The following MEF2A variants were observed in gnomAD, a reference collection of about 807,000 sequenced individuals.
MEF2A encodes myocyte-specific enhancer factor 2A.
Under a neutral mutation model 55.8 loss-of-function variants are expected in MEF2A, and 28 were observed. The observed-to-expected ratio is 0.50, with a 90% CI of 0.37 to 0.69. MEF2A has a LOEUF of 0.69. Among genes scored for constraint, MEF2A ranks in the 30% least tolerant of loss-of-function variants. The pLI is 0.00. For synonymous variants in MEF2A, 239 were observed against 227.1 expected, an observed-to-expected ratio of 1.05 and a Z score of -0.47; for missense variants, 528 against 626.2, an observed-to-expected ratio of 0.84 and a Z score of 1.67.
rs1555454713 is a variant in MEF2A, at chr15:99,602,653, G to GGGGTGTGTGT, written c.-143+4143_-143+4144insGGTGTGTGTG. 1.4e-3 allele frequency among the ~76,000 whole-genome samples: 61 copies of GGGGTGTGTGT among 44,862 alleles called. 1 individual carries two copies. The highest frequency in any genetic ancestry group is 2.6e-3 in the East Asian group (3 of 1,146). The allele number at this position is 44,862 out of a possible 152,430, so 29.4% of individuals were successfully genotyped here. On this transcript the variant is annotated intron_variant, in intron 2 of 11. Coordinates refer to ENST00000557942, the MANE Select transcript of MEF2A (RefSeq NM_001319206.4). ...CCTGGTGGTTGCCTGACATTCCTGGGGTGTGTGTGTGTGTGTGTGTGTGTG... is the reference window on the plus strand; with the variant it reads ...CCTGGTGGTTGCCTGACATTCCTGGGGGGTGTGTGTGTGTGTGTGTGTGTGTGTGTGTGTG...
intron 1 of MEF2A, among the ~76,000 whole-genome samples, chr15:99,590,611 G>A (rs193258756): frequency 8.6e-5 from 13 of 150,878 alleles, no homozygotes; most frequent in Non-Finnish European, 1.6e-4. Flanking sequence ...TTAAAAATAT[G>A]CATTCCATTT....
At chr15:99,709,617 A>C (rs1206615661) in intron 10 of MEF2A, among the ~76,000 whole-genome samples, 2 of 152,194 alleles carry the variant, frequency 1.3e-5, no homozygotes, top group Non-Finnish European at 2.9e-5. Flanking sequence ...AATTTCTTTA[A>C]ACACCTCTCT....
chr15:99,597,162 CG>C (rs1179868729), intron 1 of MEF2A, among the ~76,000 whole-genome samples: 1 of 152,100 alleles, frequency 6.6e-6, no homozygotes, highest in Non-Finnish European at 1.5e-5. Flanking sequence ...GCCGGTGAGC[CG>C]GGTGGAACAG....
chr15:99,630,037 C>G (rs939106162), intron 2 of MEF2A, among the ~76,000 whole-genome samples: 1 of 134,536 alleles, frequency 7.4e-6, no homozygotes, highest in Non-Finnish European at 1.6e-5. Flanking sequence ...TTCTTTCCTT[C>G]TCCCCCTCTC....
Position 99,712,540 on chromosome 15 carries a change from GCCGCCA to G in MEF2A, c.1290_1295del (p.Pro432_Pro433del). On this transcript the variant is annotated inframe_deletion, in exon 12 of 12. Coordinates refer to ENST00000557942, the MANE Select transcript of MEF2A (RefSeq NM_001319206.4). This position sits in a 1 kb window ranked among gnomAD's most constrained non-coding sequence, Gnocchi z 4.1. ...AGCAGCAGCAGCAGCAGCAGCAGCCGCCGCCACCACCGCAGCCCCAGCCACAACCCC... is the reference window on the plus strand; with the variant it reads ...AGCAGCAGCAGCAGCAGCAGCAGCCGCCACCGCAGCCCCAGCCACAACCCC... The G allele has an allele frequency of 6.5e-7, 1 of 1,547,440 alleles. No homozygotes were observed. Among genetic ancestry groups the G allele is most frequent in the Non-Finnish European group, 8.7e-7 (1 of 1,145,874 alleles).
chr15:99,660,749 A>G (rs1164475873), intron 4 of MEF2A, among the ~76,000 whole-genome samples: 1 of 152,250 alleles, frequency 6.6e-6, no homozygotes, highest in Non-Finnish European at 1.5e-5. Flanking sequence ...GAGATAATAT[A>G]TTATGACTAA....
chr15:99,579,133 AT>A (rs1182063152), intron 1 of MEF2A, among the ~76,000 whole-genome samples: 1 of 151,750 alleles, frequency 6.6e-6, no homozygotes, highest in Non-Finnish European at 1.5e-5. Flanking sequence ...CTAATGTTGT[AT>A]TTTTTCCCAT....
At chr15:99,697,793 T>TA (rs1555498917) in intron 8 of MEF2A, among the ~76,000 whole-genome samples, 1 of 152,058 alleles carries the variant, frequency 6.6e-6, no homozygotes, top group Non-Finnish European at 1.5e-5. Flanking sequence ...AACAAAATTT[T>TA]AAAAAAATAC....
In MEF2A at chr15:99,591,579, C is replaced by A. The variant is rs747260252; in HGVS notation, c.-224-6851C>A. ...GTGTTCAGTTTTCCTCAAATTTGGACCTTTTTCTGGCCCTATTTCGTCATG... is the reference window on the plus strand; with the variant it reads ...GTGTTCAGTTTTCCTCAAATTTGGAACTTTTTCTGGCCCTATTTCGTCATG... On this transcript the variant is annotated intron_variant, in intron 1 of 11. Coordinates refer to ENST00000557942, the MANE Select transcript of MEF2A (RefSeq NM_001319206.4). Among the ~76,000 whole-genome samples the A allele has an allele frequency of 3.3e-4, 50 of 152,222 alleles. 1 individual carries two copies. The South Asian group carries it at 5.8e-3, about 18-fold the overall frequency.
intron 4 of MEF2A, among the ~76,000 whole-genome samples, chr15:99,664,713 C>G (rs2033546): frequency 1.3e-5 from 2 of 151,938 alleles, no homozygotes; most frequent in South Asian, 2.1e-4. Flanking sequence ...TGGTAAGTCC[C>G]AAGGAGAGAC....
At chr15:99,658,566 G>C (rs138659426) in intron 4 of MEF2A, among the ~76,000 whole-genome samples, 1 of 150,954 alleles carries the variant, frequency 6.6e-6, no homozygotes, top group African/African-American at 2.4e-5. Flanking sequence ...ACCATCCTTA[G>C]ATTTAAGAAA....
chr15:99,604,828 C>T (rs906029039), intron 2 of MEF2A, among the ~76,000 whole-genome samples: 5 of 151,930 alleles, frequency 3.3e-5, no homozygotes, highest in African/African-American at 9.7e-5. Flanking sequence ...AAGCCTTTTC[C>T]GTGGGGTTAA....
intron 2 of MEF2A, among the ~76,000 whole-genome samples, chr15:99,618,620 T>TA (rs2040607256): frequency 6.6e-6 from 1 of 152,180 alleles, no homozygotes; most frequent in Non-Finnish European, 1.5e-5. Flanking sequence ...ATATGCAACT[T>TA]ACCCACAAGC....
intron 1 of MEF2A, among the ~76,000 whole-genome samples, chr15:99,567,225 G>A (rs1010426517): frequency 6.6e-6 from 1 of 152,180 alleles, no homozygotes. Context: ...TCCAATAAAT[G>A]CCCTATTAGA....
At position 99,674,435 on chromosome 15, in the gene MEF2A, C is replaced by A. The variant is rs748024361; in HGVS notation, c.433C>A (p.Pro145Thr). ...PQNFSMSVTVPVTSPNALSYT... is the reference protein window; with the variant it reads ...PQNFSMSVTVTVTSPNALSYT... ...GAACTTTTCAATGTCTGTCACAGTT[C>A]CAGTGACCAGCCCCAATGCTTTGTC... Residue 145 changes from proline (P) to threonine (T), a missense_variant, in exon 6 of 12, where the codon CCA becomes ACA. By Grantham distance (38) the Pro-to-Thr change is conservative. This residue lies in a region of MEF2A where 450 missense variants were observed against 475.3 expected (regional missense o/e 0.95). Transcript: ENST00000557942. 1 of 1,613,402 alleles carries A rather than the reference C, an allele frequency of 6.2e-7. No individual in the cohort carries two copies. The highest frequency in any genetic ancestry group is 2.2e-5 in the East Asian group (1 of 44,874).
rs987185408 is a variant in MEF2A, at chr15:99,620,106, T to C, written c.-142-12872T>C. On this transcript the variant is annotated intron_variant, in intron 2 of 11. Coordinates refer to ENST00000557942, the MANE Select transcript of MEF2A (RefSeq NM_001319206.4). ...TTTAGAAAAAAGGAAAATAATTTTTTAAATTGCCTTTAAGTTATTATTTTA... is the reference window on the plus strand; with the variant it reads ...TTTAGAAAAAAGGAAAATAATTTTTCAAATTGCCTTTAAGTTATTATTTTA... 1.3e-4 allele frequency among the ~76,000 whole-genome samples: 20 copies of C among 152,398 alleles called. 1 individual carries two copies. In the East Asian group the frequency reaches 3.9e-3, roughly 29 times the overall value.
intron 3 of MEF2A, among the ~76,000 whole-genome samples, chr15:99,640,559 CTT>C (rs561916381): frequency 1.7e-4 from 23 of 133,838 alleles, no homozygotes; most frequent in Non-Finnish European, 2.4e-4. Context: ...TCTTTCTTTT[CTT>C]TTTTTTTTTT....
chr15:99,566,782 G>T (rs978811226), intron 1 of MEF2A, among the ~76,000 whole-genome samples: 8 of 152,286 alleles, frequency 5.3e-5, no homozygotes, highest in African/African-American at 1.7e-4. Context: ...CTGTGAGTGT[G>T]TAGATGTCAG....
rs121918531 is a variant in MEF2A, at chr15:99,690,412, G to A, written c.842G>A (p.Gly281Asp). ...LRVVIPPSSKGMMPPLSEEEE... is the reference protein window; with the variant it reads ...LRVVIPPSSKDMMPPLSEEEE... ...GTTGTCATCCCCCCTTCAAGCAAGG[G>A]CATGATGCCTCCACTAGTAAGTTGA... Residue 281 changes from glycine to aspartate, a missense_variant, in exon 8 of 12, where the codon GGC becomes GAC. Gly to Asp is a moderately conservative substitution (Grantham distance 94). Coordinates refer to ENST00000557942, the MANE Select transcript of MEF2A (RefSeq NM_001319206.4). The A allele has an allele frequency of 1.7e-5, 27 of 1,599,016 alleles. No homozygotes were observed. The highest frequency in any genetic ancestry group is 2.2e-5 in the Non-Finnish European group (26 of 1,171,284).
Sources: allele counts gnomAD v4.1 joint callset (sites outside exome capture counted in the v4.1 genomes callset), GRCh38; gene constraint gnomAD v4.1.1; regional missense constraint gnomAD v4.1.1; non-coding constraint Gnocchi (gnomAD v3.1); transcripts MANE v1.5; gene names NCBI Gene and HGNC (gene_info 2026-07-23, HGNC 2026-07-21).